The following SGIP1 variants were observed in gnomAD, a reference collection of about 807,000 sequenced individuals.
The protein encoded by SGIP1 is SH3GL interacting endocytic adaptor 1.
A neutral mutation model predicts 107.5 loss-of-function variants in SGIP1; 38 were observed. The observed-to-expected ratio is 0.35, with a 90% CI of 0.27 to 0.46. The LOEUF is 0.46. Among genes scored for constraint, SGIP1 ranks in the 20% least tolerant of loss-of-function variants. SGIP1 has a pLI of 1.00. For synonymous variants in SGIP1, 365 were observed against 366.1 expected (o/e 1.00, Z 0.03); for missense variants, 929 against 1,019.5 (o/e 0.91, Z 1.21).
Position 66,679,745 on chromosome 1 carries a change from T to G in SGIP1, c.807T>G (p.Ile269Met), listed in dbSNP as rs766613506. The G allele has an allele frequency of 6.3e-7, 1 of 1,599,036 alleles. No individual in the cohort carries two copies. The highest frequency in any genetic ancestry group is 8.5e-7 in the Non-Finnish European group (1 of 1,176,102). Reference protein sequence around the residue: ...TPPRTGSPLTIGPGNDQSATE... With the variant: ...TPPRTGSPLTMGPGNDQSATE... ...CCCGAACAGGATCCCCCTTAACAATTGGACCAGGTACGCTTTTGTTTTTTC... is the reference window on the plus strand; with the variant it reads ...CCCGAACAGGATCCCCCTTAACAATGGGACCAGGTACGCTTTTGTTTTTTC... The change falls in exon 14 of 25, where the codon ATT becomes ATG. Residue 269 changes from isoleucine (I) to methionine (M), a missense_variant. By Grantham distance (10) the Ile-to-Met change is conservative. Coordinates refer to ENST00000371037, the MANE Select transcript of SGIP1 (RefSeq NM_032291.4).
intron 18 of SGIP1, among the ~76,000 whole-genome samples, chr1:66,712,403 G>T (rs2092976291): frequency 6.6e-6 from 1 of 152,146 alleles, no homozygotes; most frequent in African/African-American, 2.4e-5. Flanking sequence ...TGCACAGGAA[G>T]GGGAGACTGG....
chr1:66,620,335 A>G (rs914958183), intron 1 of SGIP1, among the ~76,000 whole-genome samples: 1 of 152,140 alleles, frequency 6.6e-6, no homozygotes, highest in African/African-American at 2.4e-5. Context: ...TGTCTTTCAA[A>G]CTATTCTTGA....
intron 8 of SGIP1, among the ~76,000 whole-genome samples, chr1:66,662,472 G>A (rs10789212): frequency 0.37 from 55,759 of 152,032 alleles, 10,799 homozygotes; most frequent in African/African-American, 0.49. Flanking sequence ...AGACTAAGGT[G>A]TCATAGTTAA....
chr1:66,702,392 C>T (rs2092021468), intron 18 of SGIP1, among the ~76,000 whole-genome samples: 1 of 152,172 alleles, frequency 6.6e-6, no homozygotes, highest in East Asian at 1.9e-4. Flanking sequence ...TGATCTTGAG[C>T]ATTTAATGTC....
chr1:66,681,725 C>A, intron 14 of SGIP1, 144 bp from the exon 15 acceptor site: 1 of 765,982 alleles, frequency 1.3e-6, no homozygotes. Context: ...GGCTCCTAAT[C>A]CAATAAAGAT....
chr1:66,611,268 C>G (rs2067941235), intron 1 of SGIP1, among the ~76,000 whole-genome samples: 1 of 152,196 alleles, frequency 6.6e-6, no homozygotes, highest in Admixed American at 6.5e-5. Context: ...GATATGAATA[C>G]TGAGGCTGAG....
intron 1 of SGIP1, among the ~76,000 whole-genome samples, chr1:66,535,641 T>C (rs2053432552): frequency 6.6e-6 from 1 of 152,206 alleles, no homozygotes; most frequent in African/African-American, 2.4e-5. Flanking sequence ...AGAGGTTGGG[T>C]ATGATTTTGT....
rs761124779 is a variant in SGIP1, at chr1:66,695,438, T to G, written c.1575T>G (p.Asn525Lys). Residue 525 changes from asparagine (N) to lysine (K), a missense_variant, in exon 18 of 25, where the codon AAT becomes AAG. Asn to Lys is a moderately conservative substitution (Grantham distance 94, BLOSUM62 0). Transcript: ENST00000371037. Reference sequence around the variant, plus strand: ...CTTCAACTCCTGGCCATACAGAGAATGAACAGCCTTCCCTCGTTTGGTTTG... The same window carrying G: ...CTTCAACTCCTGGCCATACAGAGAAGGAACAGCCTTCCCTCGTTTGGTTTG... ...LSAATTPTVE[N>K]EQPSLVWFDR... 1 of 1,614,016 alleles carries G rather than the reference T, an allele frequency of 6.2e-7. No homozygotes were observed. The highest frequency in any genetic ancestry group is 8.5e-7 in the Non-Finnish European group (1 of 1,180,016).
intron 17 of SGIP1, chr1:66,694,552 C>A (rs762631796): frequency 8.9e-6 from 13 of 1,459,388 alleles, no homozygotes; most frequent in Admixed American, 2.6e-5. Flanking sequence ...TCCAAAAATC[C>A]AAGCCATTAT....
In SGIP1 at chr1:66,749,152, A is replaced by ATTT. The variant is rs1553199750; in HGVS notation, c.*6060_*6062dup. 1.3e-5 allele frequency among the ~76,000 whole-genome samples: 2 copies of ATTT among 151,562 alleles called. No homozygotes were observed. Among genetic ancestry groups the ATTT allele is most frequent in the African/African-American group, 4.8e-5 (2 of 41,376 alleles). ...AAAACAAAACAATAAAATTATTTTA[A>ATTT]TTTTTGTATTATTTTTAAGGCTTGC... is the stretch of plus-strand genomic sequence containing the variant. On this transcript the variant is annotated 3_prime_UTR_variant, in exon 25 of 25. Transcript: ENST00000371037.
chr1:66,704,871 A>T (rs1466508514), intron 18 of SGIP1: 2 of 152,196 alleles, frequency 1.3e-5, no homozygotes, highest in Non-Finnish European at 2.9e-5. Context: ...ACTCCAAACA[A>T]ATTTTAGACA....
intron 20 of SGIP1, among the ~76,000 whole-genome samples, chr1:66,731,961 A>G (rs555629204): frequency 6.6e-6 from 1 of 152,314 alleles, no homozygotes; most frequent in South Asian, 2.1e-4. Flanking sequence ...AGAATGCTCA[A>G]GGCTTCTTGA....
intron 1 of SGIP1, among the ~76,000 whole-genome samples, chr1:66,557,894 AC>A (rs879798797): frequency 6.6e-6 from 1 of 152,084 alleles, no homozygotes; most frequent in Non-Finnish European, 1.5e-5. Flanking sequence ...AATACTTAAT[AC>A]TTTTTGAATT....
Position 66,672,664 on chromosome 1 carries a change from A to T in SGIP1, c.561-617A>T, listed in dbSNP as rs571567139. 2.5e-4 allele frequency among the ~76,000 whole-genome samples: 38 copies of T among 152,318 alleles called. No homozygotes were observed. In the East Asian group the frequency reaches 5.6e-3, roughly 22 times the overall value. On this transcript the variant is annotated intron_variant, in intron 11 of 24. Transcript: ENST00000371037. ...GATAATTATGCATCATTTTCTTAATAATCAGTCTGGAGTAATAATCAAGAG... is the reference window on the plus strand; with the variant it reads ...GATAATTATGCATCATTTTCTTAATTATCAGTCTGGAGTAATAATCAAGAG...
intron 8 of SGIP1, among the ~76,000 whole-genome samples, chr1:66,661,190 T>A (rs2081397109): frequency 6.6e-6 from 1 of 152,214 alleles, no homozygotes; most frequent in African/African-American, 2.4e-5. Flanking sequence ...ATAAAATGAA[T>A]TTGTTCTCTT....
chr1:66,729,326 T>G lies in SGIP1; in HGVS notation c.1805T>G (p.Phe602Cys), dbSNP rs1351460516. 1 of 1,614,148 alleles carries G rather than the reference T, an allele frequency of 6.2e-7. No homozygotes were observed. Among genetic ancestry groups the G allele is most frequent in the Admixed American group, 1.7e-5 (1 of 60,012 alleles). ...TTTCCTGCTGGCATCACCAGACACT[T>G]TGCCAACAACCCGTCCCCAGCTGCT... ...LSFPAGITRHFANNPSPAALT... is the reference protein window; with the variant it reads ...LSFPAGITRHCANNPSPAALT... Residue 602 changes from phenylalanine (F) to cysteine (C), a missense_variant, in exon 20 of 25, where the codon TTT becomes TGT. Phe to Cys is a radical substitution (Grantham distance 205). Coordinates refer to ENST00000371037, the MANE Select transcript of SGIP1 (RefSeq NM_032291.4).
At chr1:66,603,337 A>G (rs2066224419) in intron 1 of SGIP1, among the ~76,000 whole-genome samples, 2 of 152,168 alleles carry the variant, frequency 1.3e-5, no homozygotes, top group African/African-American at 4.8e-5. Context: ...TAAGAATTAT[A>G]TATCAAATCC....
chr1:66,563,394 C>A (rs1420891603), intron 1 of SGIP1, among the ~76,000 whole-genome samples: 2 of 152,000 alleles, frequency 1.3e-5, no homozygotes, highest in Non-Finnish European at 2.9e-5. Flanking sequence ...TAGTCCAGAG[C>A]CTTCCTTTAA....
chr1:66,642,830 A>G lies in SGIP1; in HGVS notation c.249A>G (p.Glu83=), dbSNP rs2077021468. 1.9e-6 allele frequency: 3 copies of G among 1,612,646 alleles called. No individual in the cohort carries two copies. In the East Asian group the frequency reaches 6.7e-5, roughly 36 times the overall value. ...WERYNSPELD[E]EGYSIRPEEP... ...TATAGAACTCACCTGAGCTGGATGA[A>G]GAAGGCTACAGCATCAGACCCGAGG... is the stretch of plus-strand genomic sequence containing the variant. The change falls in exon 6 of 25, where the codon GAA becomes GAG. Residue 83 remains glutamate (E), a synonymous_variant. Transcript: ENST00000371037.
Sources: gnomAD v4.1 joint callset for allele counts (sites outside exome capture counted in the v4.1 genomes callset) on GRCh38, gnomAD v4.1.1 for gene constraint, MANE v1.5 for transcripts, NCBI Gene and HGNC (gene_info 2026-07-23, HGNC 2026-07-21) for gene names.